The following RGS7 variants were observed in gnomAD, a reference collection of about 807,000 sequenced individuals.
RGS7 encodes regulator of G protein signaling 7.
In RGS7, 27 loss-of-function variants were observed where a neutral mutation model predicts 81.1. The observed-to-expected ratio is 0.33, with a 90% CI of 0.25 to 0.46. The LOEUF (loss-of-function observed/expected upper bound fraction) is 0.46, where lower values mean the gene tolerates loss of function less well. Among genes scored for constraint, RGS7 ranks in the 20% least tolerant of loss-of-function variants. The pLI is 1.00. For missense variants in RGS7, 396 were observed against 607.4 expected (o/e 0.65, Z 3.66); for synonymous variants, 208 against 207.7 (o/e 1.00, Z -0.01).
At chr1:241,028,169 GT>G (rs2059886834) in intron 3 of RGS7, among the ~76,000 whole-genome samples, 2 of 152,124 alleles carry the variant, frequency 1.3e-5, no homozygotes, top group South Asian at 4.1e-4. Context: ...CCCTTTCAAC[GT>G]TTGGATGTTG....
intron 6 of RGS7, among the ~76,000 whole-genome samples, chr1:240,924,284 T>C (rs1469646264): frequency 6.6e-6 from 1 of 152,206 alleles, no homozygotes; most frequent in African/African-American, 2.4e-5. Flanking sequence ...CCTTTTATTA[T>C]TACTTTAGTA....
intron 6 of RGS7, among the ~76,000 whole-genome samples, chr1:240,896,570 G>A (rs1337770043): frequency 3.9e-5 from 6 of 152,058 alleles, no homozygotes; most frequent in Admixed American, 6.5e-5. Context: ...TTTTTGTCAG[G>A]TTTGTCAAAG....
intron 2 of RGS7, among the ~76,000 whole-genome samples, chr1:241,259,667 A>AAAAAAAAATATATATATATAT: frequency 4.1e-5 from 2 of 49,142 alleles, no homozygotes; most frequent in African/African-American, 8.0e-5. Context: ...AAAAAAAAAA[A>AAAAAAAAATATATATATATAT]ATATATATAT....
intron 2 of RGS7, among the ~76,000 whole-genome samples, chr1:241,110,736 C>T (rs1049209364): frequency 1.3e-5 from 2 of 149,684 alleles, no homozygotes; most frequent in Admixed American, 6.7e-5. Context: ...ATTGCCCAGG[C>T]TGGAGTATGA....
Position 240,868,854 on chromosome 1 carries a change from T to C in RGS7, c.451-2A>G. ...TCTCTGCAGCCTGGCCAGGCTCTCC[T>C]GAAAAACATACCCCAGGTGAAGACA... On this transcript the variant is annotated splice_acceptor_variant, in intron 7 of 18. Transcript: ENST00000440928. LOFTEE classifies it high-confidence loss of function. This position sits in a 1 kb window ranked among gnomAD's most constrained non-coding sequence, Gnocchi z 5.1. The C allele has an allele frequency of 6.2e-7, 1 of 1,613,830 alleles. No homozygotes were observed. The highest frequency in any genetic ancestry group is 8.5e-7 in the Non-Finnish European group (1 of 1,179,814).
intron 3 of RGS7, among the ~76,000 whole-genome samples, chr1:241,071,810 G>A (rs1196790250): frequency 7.5e-6 from 1 of 132,816 alleles, no homozygotes; most frequent in Non-Finnish European, 1.5e-5. Flanking sequence ...GGAGTTCAAG[G>A]CTGTAGTGAG....
chr1:241,268,832 G>A (rs1226130283), intron 2 of RGS7, among the ~76,000 whole-genome samples: 2 of 152,206 alleles, frequency 1.3e-5, no homozygotes, highest in African/African-American at 2.4e-5. Context: ...CCAAAAATGT[G>A]TGGACACCTC....
At chr1:241,213,464 C>T (rs1421489442) in intron 2 of RGS7, among the ~76,000 whole-genome samples, 1 of 152,166 alleles carries the variant, frequency 6.6e-6, no homozygotes, top group Admixed American at 6.5e-5. Flanking sequence ...TAGTCAGCAT[C>T]CCACCTGCTT....
intron 2 of RGS7, among the ~76,000 whole-genome samples, chr1:241,103,531 C>G (rs1472070410): frequency 1.3e-5 from 2 of 152,058 alleles, no homozygotes; most frequent in Non-Finnish European, 2.9e-5. Context: ...CACACTAGGT[C>G]AAAGAGCCAA....
intron 2 of RGS7, among the ~76,000 whole-genome samples, chr1:241,280,460 C>T (rs2078438738): frequency 6.6e-6 from 1 of 152,206 alleles, no homozygotes; most frequent in Admixed American, 6.5e-5. Context: ...GAACACAGAA[C>T]TACTGCCAGT....
chr1:241,272,510 T>C (rs1266695245), intron 2 of RGS7, among the ~76,000 whole-genome samples: 1 of 152,230 alleles, frequency 6.6e-6, no homozygotes, highest in African/African-American at 2.4e-5. Flanking sequence ...CTGCTCAAAT[T>C]ATGGCATCTC....
At position 241,218,432 on chromosome 1, in the gene RGS7, G is replaced by C. The variant is rs79717756; in HGVS notation, c.79-119670C>G. 5.2e-3 allele frequency among the ~76,000 whole-genome samples: 788 copies of C among 152,298 alleles called. 6 individuals are homozygous for C. The highest frequency in any genetic ancestry group is 0.018 in the African/African-American group (756 of 41,558). ...TATAATTAACACACAGTGCCTAACA[G>C]AGAAAATCATTTTTGTGTGTTCAGC... On this transcript the variant is annotated intron_variant, in intron 2 of 18. Coordinates refer to ENST00000440928, the MANE Select transcript of RGS7 (RefSeq NM_001364886.1).
intron 18 of RGS7, among the ~76,000 whole-genome samples, chr1:240,783,132 A>C (rs1572055914): frequency 6.6e-6 from 1 of 152,214 alleles, no homozygotes; most frequent in African/African-American, 2.4e-5. Flanking sequence ...ATAATTACAT[A>C]AACAAAGAGA....
chr1:241,259,640 A>G (rs1422828827), intron 2 of RGS7, among the ~76,000 whole-genome samples: 42 of 126,840 alleles, frequency 3.3e-4, no homozygotes, highest in Non-Finnish European at 6.1e-4. Flanking sequence ...ACAAGAGCGA[A>G]ACTCCGTCTC....
chr1:241,057,785 G>T (rs968372594), intron 3 of RGS7, among the ~76,000 whole-genome samples: 1 of 152,098 alleles, frequency 6.6e-6, no homozygotes, highest in South Asian at 2.1e-4. Flanking sequence ...AGTGGCATGC[G>T]CCTGTAGTCC....
intron 3 of RGS7, among the ~76,000 whole-genome samples, chr1:241,058,913 AT>A (rs2061607870): frequency 6.6e-6 from 1 of 152,162 alleles, no homozygotes; most frequent in African/African-American, 2.4e-5. Context: ...TTCACCTCTG[AT>A]TTGCTCCTCA....
intron 9 of RGS7, among the ~76,000 whole-genome samples, chr1:240,834,636 G>C (rs1270617203): frequency 3.3e-5 from 5 of 151,992 alleles, no homozygotes; most frequent in African/African-American, 1.2e-4. Context: ...TCAGCCTCCC[G>C]AGTAGCTGGG....
At chr1:240,902,034 C>A (rs1475057206) in intron 6 of RGS7, among the ~76,000 whole-genome samples, 1 of 152,144 alleles carries the variant, frequency 6.6e-6, no homozygotes, top group Admixed American at 6.5e-5. Context: ...GTTTTTCTCT[C>A]CAGATTTTAT....
intron 3 of RGS7, among the ~76,000 whole-genome samples, chr1:241,084,984 T>C (rs547360961): frequency 1.3e-5 from 2 of 152,366 alleles, no homozygotes; most frequent in East Asian, 3.9e-4. Context: ...TAGGGGCCTT[T>C]TTATTTGATC....
Sources: gnomAD v4.1 joint callset for allele counts (sites outside exome capture counted in the v4.1 genomes callset) on GRCh38, gnomAD v4.1.1 for gene constraint, Gnocchi (gnomAD v3.1) non-coding constraint, MANE v1.5 for transcripts, NCBI Gene and HGNC (gene_info 2026-07-23, HGNC 2026-07-21) for gene names.